Variants in TXNDC9 observed in about 807,000 individuals in gnomAD.
TXNDC9 encodes thioredoxin domain-containing protein 9.
Under a neutral mutation model 23.0 loss-of-function variants are expected in TXNDC9, and 7 were observed. That is an observed-to-expected ratio of 0.30 (90% CI 0.17 to 0.57). The LOEUF is 0.57. Among genes scored for constraint, TXNDC9 ranks in the 20% least tolerant of loss-of-function variants. TXNDC9 has a pLI of 0.90. For missense variants in TXNDC9, 198 were observed against 252.6 expected (o/e 0.78, Z 1.47); for synonymous variants, 72 against 90.6 (o/e 0.79, Z 1.17).
chr2:99,326,403 T>A (rs776919003), intron 3 of TXNDC9, among the ~76,000 whole-genome samples: 3 of 152,166 alleles, frequency 2.0e-5, no homozygotes, highest in African/African-American at 2.4e-5. Context: ...TGCCAGAGAC[T>A]CTAGAGCACA....
intron 2 of TXNDC9, among the ~76,000 whole-genome samples, chr2:99,330,863 T>A (rs1026585429): frequency 3.9e-5 from 6 of 152,226 alleles, no homozygotes; most frequent in Non-Finnish European, 7.3e-5. Flanking sequence ...GTTTCTTGAC[T>A]ATTTCCAGAA....
the TXNDC9 span, among the ~76,000 whole-genome samples, chr2:99,311,269 A>C: frequency 6.6e-6 from 1 of 152,018 alleles, no homozygotes; most frequent in Non-Finnish European, 1.5e-5. Context: ...GGGTCTTCCT[A>C]TGTGGCCCAG....
chr2:99,315,020 C>G (rs562339766), downstream of TXNDC9, among the ~76,000 whole-genome samples: 281 of 144,056 alleles, frequency 2.0e-3, no homozygotes, highest in Admixed American at 3.3e-3. Flanking sequence ...CTCAGCCTCC[C>G]GAGTAGCTGG....
chr2:99,331,347 AG>A (rs757979748), intron 2 of TXNDC9, among the ~76,000 whole-genome samples: 38 of 152,004 alleles, frequency 2.5e-4, no homozygotes, highest in Non-Finnish European at 8.8e-5. Context: ...AGGCTGAGGC[AG>A]GCGGATCATT....
chr2:99,335,194 G>T (rs1478556072), intron 1 of TXNDC9, among the ~76,000 whole-genome samples: 2 of 152,158 alleles, frequency 1.3e-5, no homozygotes, highest in Non-Finnish European at 2.9e-5. Context: ...AAATAATACT[G>T]AAGCACCCCA....
intron 2 of TXNDC9, among the ~76,000 whole-genome samples, chr2:99,330,048 G>A (rs1404636592): frequency 6.6e-6 from 1 of 151,830 alleles, no homozygotes; most frequent in Non-Finnish European, 1.5e-5. Context: ...CTAGCACTTT[G>A]GGAGGCTGAG....
chr2:99,309,836 C>A, the TXNDC9 span, among the ~76,000 whole-genome samples: 1 of 151,938 alleles, frequency 6.6e-6, no homozygotes, highest in Non-Finnish European at 1.5e-5. Context: ...CAGGCATGTA[C>A]CACCACGCCC....
At chr2:99,320,948 C>T (rs950151671) in intron 4 of TXNDC9, among the ~76,000 whole-genome samples, 1 of 152,054 alleles carries the variant, frequency 6.6e-6, no homozygotes. Context: ...CTATATGTTG[C>T]CCAAATTGGT....
intron 3 of TXNDC9, among the ~76,000 whole-genome samples, chr2:99,322,963 G>A (rs969768995): frequency 2.0e-5 from 3 of 151,884 alleles, no homozygotes; most frequent in African/African-American, 2.4e-5. Context: ...GGGTTTCACT[G>A]TGTTAGCCAG....
chr2:99,325,281 TA>T (rs1368101794), intron 3 of TXNDC9, among the ~76,000 whole-genome samples: 1 of 152,128 alleles, frequency 6.6e-6, no homozygotes, highest in South Asian at 2.1e-4. Context: ...AGTTAAAAAT[TA>T]AAAAAATAGC....
In TXNDC9 at chr2:99,319,561, T is replaced by C. The variant is rs995510688; in HGVS notation, c.*121A>G. On this transcript the variant is annotated 3_prime_UTR_variant, in exon 5 of 5. Coordinates refer to ENST00000264255, the MANE Select transcript of TXNDC9 (RefSeq NM_005783.4). ...AAGACACTTTTCGATGTGATACAAC[T>C]GTATAAAACTCGAGAATATGAGTAT... 4 of 714,398 alleles carry C rather than the reference T, an allele frequency of 5.6e-6. No homozygotes were observed. Among genetic ancestry groups the C allele is most frequent in the Non-Finnish European group, 9.5e-6 (4 of 421,720 alleles). The allele number at this position is 714,398 out of a possible 1,614,324, so 44.3% of individuals were successfully genotyped here.
At chr2:99,316,126 T>C (rs1304232981), downstream of TXNDC9, among the ~76,000 whole-genome samples, 2 of 151,300 alleles carry the variant, frequency 1.3e-5, no homozygotes, top group Admixed American at 6.6e-5. Context: ...TCTTTTTTTT[T>C]TTTTTTTGTT....
intron 3 of TXNDC9, chr2:99,322,700 A>G (rs745824837): frequency 6.8e-7 from 1 of 1,472,688 alleles, no homozygotes. Context: ...GTTACTAATA[A>G]TATTTAAATA....
chr2:99,330,590 T>C (rs2094222438), intron 2 of TXNDC9, among the ~76,000 whole-genome samples: 1 of 152,152 alleles, frequency 6.6e-6, no homozygotes, highest in South Asian at 2.1e-4. Context: ...TCAGTGGCTG[T>C]CACCCAAGCC....
intron 2 of TXNDC9, 58 bp downstream of exon 2, chr2:99,332,964 A>G (rs755915164): frequency 5.1e-6 from 7 of 1,360,862 alleles, no homozygotes; most frequent in Non-Finnish European, 7.3e-6. Flanking sequence ...ACATGTATAT[A>G]TAAGTTGTTA....
chr2:99,327,526 CAA>C lies in TXNDC9; in HGVS notation c.308+7_308+8del. 6.3e-7 allele frequency: 1 copy of C among 1,587,342 alleles called. No individual in the cohort carries two copies. Among genetic ancestry groups the C allele is most frequent in the Non-Finnish European group, 8.6e-7 (1 of 1,157,618 alleles). On this transcript the variant is annotated splice_region_variant and intron_variant, in intron 3 of 4. Transcript: ENST00000264255. ...TTTTAGAAAAAGTCACAGATGGAAA[CAA>C]AGTTACCTGAATGTGGAGTCTCTGT... is the stretch of plus-strand genomic sequence containing the variant.
At chr2:99,315,063 T>C (rs1481058187), downstream of TXNDC9, among the ~76,000 whole-genome samples, 3 of 133,968 alleles carry the variant, frequency 2.2e-5, no homozygotes, top group African/African-American at 8.3e-5. Flanking sequence ...GCCTGGTTAA[T>C]TTTTTTTTTT....
chr2:99,317,033 G>A (rs1421035363), downstream of TXNDC9, among the ~76,000 whole-genome samples: 3 of 152,170 alleles, frequency 2.0e-5, no homozygotes, highest in Non-Finnish European at 2.9e-5. Context: ...TGGGATTACA[G>A]GCGTGAGCTA....
chr2:99,313,862 C>T, the TXNDC9 span, among the ~76,000 whole-genome samples: 2 of 152,234 alleles, frequency 1.3e-5, no homozygotes, highest in South Asian at 4.1e-4. Context: ...TTCTTTTGAC[C>T]TATTTCATTC....
Sources: gnomAD v4.1 joint callset for allele counts (sites outside exome capture counted in the v4.1 genomes callset) on GRCh38, gnomAD v4.1.1 for gene constraint, MANE v1.5 for transcripts, NCBI Gene and HGNC (gene_info 2026-07-23, HGNC 2026-07-21) for gene names.